Variants in DNAH3 observed in about 807,000 individuals in gnomAD.
DNAH3 encodes axonemal beta dynein heavy chain 3.
In DNAH3, 332 loss-of-function variants were observed where a neutral mutation model predicts 432.5. The observed-to-expected ratio is 0.77, with a 90% CI of 0.70 to 0.84. The LOEUF (loss-of-function observed/expected upper bound fraction) is 0.84. Ranked by LOEUF, DNAH3 falls within the 40% of genes least tolerant of loss-of-function variation. The pLI is 0.00. For synonymous variants in DNAH3, 1,956 were observed against 1,900.2 expected (o/e 1.03, Z -0.76); for missense variants, 4,861 against 5,114.0 (o/e 0.95, Z 1.51).
At chr16:21,024,199 G>A (rs2088414682) in intron 39 of DNAH3, among the ~76,000 whole-genome samples, 1 of 152,170 alleles carries the variant, frequency 6.6e-6, no homozygotes, top group African/African-American at 2.4e-5. Flanking sequence ...CCAGGTTACA[G>A]GGATGGGAAT....
Position 21,060,518 on chromosome 16 carries a change from TTTTTTTTC to T in DNAH3, c.3721-170_3721-163del, listed in dbSNP as rs919254433. 7.0e-5 allele frequency among the ~76,000 whole-genome samples: 9 copies of T among 128,538 alleles called. No individual in the cohort carries two copies. The East Asian group carries it at 1.3e-3, about 19-fold the overall frequency. The allele number at this position is 128,538 out of a possible 152,430, so 84.3% of individuals were successfully genotyped here. On this transcript the variant is annotated intron_variant, in intron 25 of 61. Coordinates refer to ENST00000261383, the Ensembl canonical transcript of DNAH3. Reference sequence around the variant, plus strand: ...CTGTCTCCCCGTTCTTTTTTTCTTTTTTTTTTTCTTTTTTTTTTTTTTTTTGATACAGA... The same window carrying T: ...CTGTCTCCCCGTTCTTTTTTTCTTTTTTTTTTTTTTTTTTTTTGATACAGA...
chr16:21,140,129 T>C (rs1462481711), intron 5 of DNAH3: 1 of 159,830 alleles, frequency 6.3e-6, no homozygotes, highest in Non-Finnish European at 1.4e-5. Context: ...CAGCCTATGA[T>C]AGAGATCCCA....
At chr16:21,073,813 T>A (rs2090879806) in intron 21 of DNAH3, among the ~76,000 whole-genome samples, 1 of 151,938 alleles carries the variant, frequency 6.6e-6, no homozygotes, top group Admixed American at 6.6e-5. Context: ...CCTGAGGGGG[T>A]CTTGCCCTAT....
intron 32 of DNAH3, among the ~76,000 whole-genome samples, chr16:21,040,683 G>A (rs1013012553): frequency 2.0e-5 from 3 of 151,990 alleles, no homozygotes; most frequent in Non-Finnish European, 2.9e-5. Flanking sequence ...CTTGATTTGA[G>A]TTCTTGTTTT....
At chr16:21,089,762 A>G (rs1226127515) in intron 18 of DNAH3, among the ~76,000 whole-genome samples, 1 of 152,130 alleles carries the variant, frequency 6.6e-6, no homozygotes, top group Non-Finnish European at 1.5e-5. Flanking sequence ...TTAAGTAACT[A>G]GAAAAAGAAG....
At chr16:20,968,959 C>G (rs1025065310) in intron 52 of DNAH3, among the ~76,000 whole-genome samples, 3 of 152,060 alleles carry the variant, frequency 2.0e-5, no homozygotes, top group Non-Finnish European at 1.5e-5. Flanking sequence ...ATTTCTCTGT[C>G]GCTCTCTGCA....
At chr16:21,124,183 C>A (rs1489576243) in intron 9 of DNAH3, among the ~76,000 whole-genome samples, 2 of 152,124 alleles carry the variant, frequency 1.3e-5, no homozygotes, top group African/African-American at 2.4e-5. Context: ...TTTAGAGGTG[C>A]CCCTTGCCAA....
Position 21,106,842 on chromosome 16 carries a change from T to C in DNAH3, c.2100-168A>G, listed in dbSNP as rs181471224. 7.2e-3 allele frequency among the ~76,000 whole-genome samples: 1,096 copies of C among 152,256 alleles called. 16 individuals are homozygous for C. Among genetic ancestry groups the C allele is most frequent in the African/African-American group, 0.025 (1,032 of 41,556 alleles). On this transcript the variant is annotated intron_variant, in intron 14 of 61. Coordinates refer to ENST00000261383, the Ensembl canonical transcript of DNAH3. ...GCCTGCAAATCCTTGATGGATAATA[T>C]TCACATGCACACTAAACTCCAGGAA...
chr16:21,075,824 C>G (rs570445621), intron 20 of DNAH3, among the ~76,000 whole-genome samples: 3 of 148,798 alleles, frequency 2.0e-5, no homozygotes, highest in Non-Finnish European at 3.0e-5. Flanking sequence ...GTGGGAGGAT[C>G]GCCTGAGCCT....
rs1303282064 is a variant in DNAH3 at position 21,085,483 on chromosome 16, A to G, written c.2877+1366T>C. ...TGCTTGAATGTAGTGAGCCGAGATC[A>G]TGTCACTGCACTCCAGCCTGGGTGA... On this transcript the variant is annotated intron_variant, in intron 19 of 61. Coordinates refer to ENST00000261383, the Ensembl canonical transcript of DNAH3. 2.1e-5 allele frequency among the ~76,000 whole-genome samples: 3 copies of G among 145,234 alleles called. No individual in the cohort carries two copies. In the East Asian group the frequency reaches 6.2e-4, roughly 30 times the overall value.
At position 20,995,565 on chromosome 16, in the gene DNAH3, T is replaced by C. The variant is rs150185277; in HGVS notation, c.6601+1718A>G. Reference sequence around the variant, plus strand: ...GGCATGAGCCACTGCGCCCAGACTCTCTTGGTTTCTTATATGTTCAAAAAT... The same window carrying C: ...GGCATGAGCCACTGCGCCCAGACTCCCTTGGTTTCTTATATGTTCAAAAAT... On this transcript the variant is annotated intron_variant, in intron 44 of 61. Coordinates refer to ENST00000261383, the Ensembl canonical transcript of DNAH3. 2.9e-3 allele frequency among the ~76,000 whole-genome samples: 442 copies of C among 152,316 alleles called. 5 individuals are homozygous for C. The highest frequency in any genetic ancestry group is 0.01 in the African/African-American group (420 of 41,578).
chr16:20,989,699 G>A (rs939608205), intron 44 of DNAH3, among the ~76,000 whole-genome samples: 1 of 152,254 alleles, frequency 6.6e-6, no homozygotes, highest in African/African-American at 2.4e-5. Context: ...AGGGGGTGGT[G>A]CTCGTCGGGG....
chr16:20,989,940 G>A (rs1029302407), intron 44 of DNAH3, among the ~76,000 whole-genome samples: 36 of 152,206 alleles, frequency 2.4e-4, no homozygotes, highest in African/African-American at 8.7e-4. Context: ...TCCGAGTGCG[G>A]GGCCCGCCAA....
At chr16:21,097,087 A>T (rs181029974) in intron 18 of DNAH3, among the ~76,000 whole-genome samples, 2 of 152,218 alleles carry the variant, frequency 1.3e-5, no homozygotes, top group Admixed American at 6.5e-5. Flanking sequence ...TGAAACTGCC[A>T]TCTGTTCTCC....
intron 41 of DNAH3, among the ~76,000 whole-genome samples, chr16:21,006,617 C>T (rs1353795478): frequency 6.6e-6 from 1 of 152,208 alleles, no homozygotes; most frequent in Non-Finnish European, 1.5e-5. Flanking sequence ...TTCGCCTATT[C>T]TGCCTATATA....
rs1411877780 is a variant in DNAH3, at chr16:21,120,593, G to A, written c.1699+147C>T. ...TAAGGAGGAAGCTAGGGCTGTGGGT[G>A]TCACTAGATGGGGAACTCAGTCTAC... On this transcript the variant is annotated intron_variant, in intron 11 of 61. Coordinates refer to ENST00000261383, the Ensembl canonical transcript of DNAH3. The A allele has an allele frequency of 4.5e-6, 3 of 670,786 alleles. No individual in the cohort carries two copies. The East Asian group carries it at 8.1e-5, about 18-fold the overall frequency. 41.6% of individuals were successfully genotyped at this position (670,786 alleles called of 1,614,324 possible). A position where few individuals can be genotyped will look rare whatever the true frequency, so the allele number is the denominator to read the frequency against.
At chr16:20,964,399 A>G (rs754150849) in exon 53 of DNAH3, 3 of 1,614,098 alleles carry the variant, frequency 1.9e-6, no homozygotes. Flanking sequence ...GGAATATTCA[A>G]TGATGTTTTC....
intron 8 of DNAH3, among the ~76,000 whole-genome samples, chr16:21,126,868 A>T (rs567765442): frequency 6.6e-6 from 1 of 152,138 alleles, no homozygotes; most frequent in Admixed American, 6.6e-5. Flanking sequence ...CCTTAGGAGA[A>T]TCAAATGCCT....
chr16:21,024,276 G>A (rs1179532991), intron 39 of DNAH3, among the ~76,000 whole-genome samples: 1 of 152,138 alleles, frequency 6.6e-6, no homozygotes, highest in Non-Finnish European at 1.5e-5. Context: ...CTGTTAGTGG[G>A]GCAATGAAGA....
Sources: allele counts gnomAD v4.1 joint callset (sites outside exome capture counted in the v4.1 genomes callset), GRCh38; gene constraint gnomAD v4.1.1; transcripts MANE v1.5; gene names NCBI Gene and HGNC (gene_info 2026-07-23, HGNC 2026-07-21).